HORMAD2: variants seen among roughly 807,000 people sequenced by gnomAD.
The protein encoded by HORMAD2 is HORMA domain-containing protein 2.
Under a neutral mutation model 38.8 loss-of-function variants are expected in HORMAD2, and 45 were observed. The ratio of observed to expected loss-of-function variants is 1.16; its 90% CI spans 0.91 to 1.49. The LOEUF (loss-of-function observed/expected upper bound fraction) is 1.49, where lower values mean the gene tolerates loss of function less well. Among genes scored for constraint, HORMAD2 ranks in the 40% most tolerant of loss-of-function variants. The probability of loss-of-function intolerance (pLI) is 0.00; values close to 1 mark genes in which losing one functional copy is unlikely to be tolerated. For missense variants in HORMAD2, 338 were observed against 367.0 expected (o/e 0.92, Z 0.65); for synonymous variants, 126 against 122.8 (o/e 1.03, Z -0.17).
chr22:30,138,405 C>A (rs1923822324), intron 10 of HORMAD2, among the ~76,000 whole-genome samples: 1 of 151,944 alleles, frequency 6.6e-6, no homozygotes, highest in African/African-American at 2.4e-5. Context: ...TGGAGTCAAG[C>A]ATTCCTCTCA....
At chr22:30,082,569 C>A (rs2068501216) in intron 1 of HORMAD2, among the ~76,000 whole-genome samples, 1 of 151,862 alleles carries the variant, frequency 6.6e-6, no homozygotes, top group Non-Finnish European at 1.5e-5. Flanking sequence ...GAGTTCGAGG[C>A]CAGTCTGGGC....
chr22:30,137,302 C>T (rs1454515435), intron 10 of HORMAD2: 1 of 520,368 alleles, frequency 1.9e-6, no homozygotes, highest in Admixed American at 2.2e-5. Context: ...AATTTTGATT[C>T]CTTGAGTCCT....
the HORMAD2 span, chr22:30,184,581 G>A: frequency 6.6e-6 from 1 of 151,966 alleles, no homozygotes; most frequent in Non-Finnish European, 1.5e-5. Flanking sequence ...CAAGAAAATA[G>A]TTGTCCTCAG....
chr22:30,122,816 G>C (rs1922555819), intron 10 of HORMAD2, among the ~76,000 whole-genome samples: 1 of 152,128 alleles, frequency 6.6e-6, no homozygotes, highest in South Asian at 2.1e-4. Context: ...TTAGATTCTT[G>C]CTAGGGTCCC....
At chr22:30,138,892 A>G (rs1923854768) in intron 10 of HORMAD2, among the ~76,000 whole-genome samples, 2 of 152,190 alleles carry the variant, frequency 1.3e-5, no homozygotes, top group Non-Finnish European at 1.5e-5. Context: ...GGAGGGTGCT[A>G]CTGGATGAAA....
At chr22:30,097,797 C>A (rs1391724850) in intron 2 of HORMAD2, among the ~76,000 whole-genome samples, 1 of 152,168 alleles carries the variant, frequency 6.6e-6, no homozygotes, top group Non-Finnish European at 1.5e-5. Flanking sequence ...AAAATTAATT[C>A]TGATGGCAAT....
chr22:30,156,973 C>G (rs548981593), intron 10 of HORMAD2, among the ~76,000 whole-genome samples: 2 of 152,196 alleles, frequency 1.3e-5, no homozygotes, highest in African/African-American at 4.8e-5. Context: ...CAAATTTAGC[C>G]TTTTTTCTAA....
At chr22:30,115,513 G>A (rs1921975752) in intron 7 of HORMAD2, among the ~76,000 whole-genome samples, 1 of 152,148 alleles carries the variant, frequency 6.6e-6, no homozygotes, top group South Asian at 2.1e-4. Context: ...AATCGTTGTA[G>A]GATGAAATCC....
At chr22:30,095,566 A>C (rs983958035) in intron 2 of HORMAD2, among the ~76,000 whole-genome samples, 1 of 152,192 alleles carries the variant, frequency 6.6e-6, no homozygotes, top group African/African-American at 2.4e-5. Context: ...TTATCCTTGT[A>C]GTATGAATTA....
intron 10 of HORMAD2, among the ~76,000 whole-genome samples, chr22:30,143,990 C>G (rs1196047603): frequency 1.3e-5 from 2 of 152,172 alleles, no homozygotes; most frequent in Admixed American, 6.5e-5. Flanking sequence ...GAAGCTGATG[C>G]CAGTGCTATG....
chr22:30,091,911 C>G (rs550183839), intron 1 of HORMAD2, among the ~76,000 whole-genome samples: 1 of 151,828 alleles, frequency 6.6e-6, no homozygotes, highest in Admixed American at 6.6e-5. Context: ...GAGTCTTGCT[C>G]TGTTGCCCAG....
chr22:30,202,093 T>C, the HORMAD2 span, among the ~76,000 whole-genome samples: 2 of 152,286 alleles, frequency 1.3e-5, no homozygotes, highest in South Asian at 4.1e-4. Context: ...CTAAGGGCAG[T>C]GAACTTAAAG....
chr22:30,196,219 T>A, the HORMAD2 span, among the ~76,000 whole-genome samples: 1 of 152,218 alleles, frequency 6.6e-6, no homozygotes, highest in Non-Finnish European at 1.5e-5. Flanking sequence ...GAATCAGGTT[T>A]CCAAACCTAT....
At chr22:30,164,336 T>C (rs1925644122) in intron 10 of HORMAD2, among the ~76,000 whole-genome samples, 1 of 152,194 alleles carries the variant, frequency 6.6e-6, no homozygotes, top group South Asian at 2.1e-4. Context: ...TGCTGGATAA[T>C]ATGGTAATTC....
intron 8 of HORMAD2, among the ~76,000 whole-genome samples, chr22:30,119,760 C>A (rs547440981): frequency 1.3e-5 from 2 of 151,918 alleles, no homozygotes; most frequent in Non-Finnish European, 2.9e-5. Context: ...GGATGGATGC[C>A]CTTGAAAGGA....
At chr22:30,173,602 A>C (rs1410036173) in intron 10 of HORMAD2, among the ~76,000 whole-genome samples, 1 of 152,208 alleles carries the variant, frequency 6.6e-6, no homozygotes, top group Non-Finnish European at 1.5e-5. Flanking sequence ...GGCAGACTGC[A>C]CTTGAGTTTT....
intron 1 of HORMAD2, among the ~76,000 whole-genome samples, chr22:30,088,052 C>T (rs1302634302): frequency 6.6e-6 from 1 of 151,356 alleles, no homozygotes; most frequent in East Asian, 1.9e-4. Flanking sequence ...CACACGTACA[C>T]ACGTATACAT....
intron 7 of HORMAD2, among the ~76,000 whole-genome samples, chr22:30,116,748 T>C (rs1922070299): frequency 1.3e-5 from 2 of 152,186 alleles, no homozygotes; most frequent in South Asian, 4.1e-4. Flanking sequence ...GCTTCAGGGA[T>C]CAAATAATAA....
chr22:30,120,774 T>C (rs9620949), intron 8 of HORMAD2, among the ~76,000 whole-genome samples: 1 of 152,158 alleles, frequency 6.6e-6, no homozygotes, highest in Admixed American at 6.6e-5. Context: ...GAAGACTTCT[T>C]TGAAGAGTCT....
Sources: gnomAD v4.1 joint callset for allele counts (sites outside exome capture counted in the v4.1 genomes callset) on GRCh38, gnomAD v4.1.1 for gene constraint, MANE v1.5 for transcripts, NCBI Gene and HGNC (gene_info 2026-07-23, HGNC 2026-07-21) for gene names.